Variants in IMMP2L observed in about 807,000 individuals in gnomAD.
The protein encoded by IMMP2L is inner mitochondrial membrane peptidase subunit 2.
A neutral mutation model predicts 19.3 loss-of-function variants in IMMP2L; 18 were observed. The ratio of observed to expected loss-of-function variants is 0.93; its 90% confidence interval spans 0.64 to 1.38. The LOEUF is 1.38. Ranked by LOEUF, IMMP2L falls within the 40% of genes most tolerant of loss-of-function variation. IMMP2L has a pLI of 0.00. For missense variants in IMMP2L, 233 were observed against 218.2 expected (o/e 1.07, Z -0.43); for synonymous variants, 76 against 73.0 (o/e 1.04, Z -0.21).
chr7:111,443,538 G>GAA (rs2131814819), intron 3 of IMMP2L, among the ~76,000 whole-genome samples: 1 of 152,234 alleles, frequency 6.6e-6, no homozygotes, highest in East Asian at 1.9e-4. Flanking sequence ...AGTCTCCTCT[G>GAA]AAGAGTTCTA....
chr7:110,815,027 G>C (rs1212057368), intron 5 of IMMP2L, among the ~76,000 whole-genome samples: 9 of 152,018 alleles, frequency 5.9e-5, no homozygotes, highest in Admixed American at 5.9e-4. Flanking sequence ...GATGCCGAGA[G>C]AGGGCTCTAG....
chr7:111,550,496 G>A (rs970038558), intron 1 of IMMP2L, among the ~76,000 whole-genome samples: 47 of 152,102 alleles, frequency 3.1e-4, no homozygotes, highest in African/African-American at 2.7e-4. Context: ...TGTAGCAAAC[G>A]TACCATTCTG....
intron 3 of IMMP2L, among the ~76,000 whole-genome samples, chr7:111,303,871 A>T (rs1019141791): frequency 6.6e-6 from 1 of 152,136 alleles, no homozygotes; most frequent in Admixed American, 6.6e-5. Flanking sequence ...TGGAAGGAAC[A>T]GAGTTGAGGG....
intron 5 of IMMP2L, among the ~76,000 whole-genome samples, chr7:110,705,078 G>A (rs1287139878): frequency 1.3e-5 from 2 of 150,434 alleles, no homozygotes; most frequent in African/African-American, 4.9e-5. Flanking sequence ...AAATTAAAAG[G>A]AGATTAAACT....
chr7:111,243,514 ATTT>A (rs11427623), intron 3 of IMMP2L, among the ~76,000 whole-genome samples: 7 of 141,646 alleles, frequency 4.9e-5, no homozygotes, highest in African/African-American at 1.6e-4. Flanking sequence ...TTGTTGCTTT[ATTT>A]TTTTTTTTTT....
intron 3 of IMMP2L, among the ~76,000 whole-genome samples, chr7:111,378,089 T>C (rs1830850628): frequency 6.6e-6 from 1 of 151,972 alleles, no homozygotes; most frequent in African/African-American, 2.4e-5. Flanking sequence ...CTTTAGATAA[T>C]ATAAAAAAAA....
intron 5 of IMMP2L, among the ~76,000 whole-genome samples, chr7:110,846,366 T>TG (rs59260099): frequency 0.33 from 37,336 of 114,304 alleles, 6,370 homozygotes; most frequent in East Asian, 0.59. Context: ...TTTTTTTTTT[T>TG]TTGTTGTTGT....
chr7:110,678,309 T>C (rs1792468338), intron 5 of IMMP2L, among the ~76,000 whole-genome samples: 1 of 152,132 alleles, frequency 6.6e-6, no homozygotes, highest in African/African-American at 2.4e-5. Flanking sequence ...CTGGGGGTAT[T>C]ATGTTACATA....
In IMMP2L at chr7:111,550,651, G is replaced by A. The variant is rs75438667; in HGVS notation, c.-3+11200C>T. Among the ~76,000 whole-genome samples the A allele has an allele frequency of 2.1e-3, 325 of 152,174 alleles. 3 individuals are homozygous for A. The highest frequency in any genetic ancestry group is 7.4e-3 in the African/African-American group (306 of 41,534). On this transcript the variant is annotated intron_variant, in intron 1 of 5. Coordinates refer to ENST00000405709, the MANE Select transcript of IMMP2L (RefSeq NM_032549.4). ...ATTTTAAATAAGGCAAAATATCTGC[G>A]GCAATCTTAATCTTCTCCTATCAAT...
chr7:111,077,191 A>G (rs1277187731), intron 3 of IMMP2L, among the ~76,000 whole-genome samples: 2 of 152,256 alleles, frequency 1.3e-5, no homozygotes, highest in Non-Finnish European at 2.9e-5. Flanking sequence ...ATTTCTTGTT[A>G]CAAATCTGAA....
intron 3 of IMMP2L, among the ~76,000 whole-genome samples, chr7:111,480,094 T>C (rs1842049855): frequency 6.6e-6 from 1 of 151,824 alleles, no homozygotes; most frequent in Admixed American, 6.6e-5. Context: ...ACTTTTTTTT[T>C]TTTTTTTGAG....
chr7:111,123,199 C>T lies in IMMP2L; in HGVS notation c.240-159634G>A. On this transcript the variant is annotated intron_variant, in intron 3 of 5. Coordinates refer to ENST00000405709, the MANE Select transcript of IMMP2L (RefSeq NM_032549.4). The surrounding 1 kb of genome is among the most constrained non-coding windows in gnomAD (Gnocchi z 6.4). ...ATGTCTGTCCGAACTGAGCAACTTACAAGAACTCTATATTAATCACAACTT... is the reference window on the plus strand; with the variant it reads ...ATGTCTGTCCGAACTGAGCAACTTATAAGAACTCTATATTAATCACAACTT... 6.2e-7 allele frequency: 1 copy of T among 1,613,964 alleles called. No homozygotes were observed. Among genetic ancestry groups the T allele is most frequent in the Non-Finnish European group, 8.5e-7 (1 of 1,179,964 alleles).
intron 3 of IMMP2L, among the ~76,000 whole-genome samples, chr7:111,083,750 G>A (rs565685382): frequency 2.0e-5 from 3 of 152,132 alleles, no homozygotes; most frequent in African/African-American, 7.2e-5. Flanking sequence ...TCAGTGTCTT[G>A]CATCGAGTTA....
At chr7:110,774,991 C>T (rs535294700) in intron 5 of IMMP2L, among the ~76,000 whole-genome samples, 1 of 152,066 alleles carries the variant, frequency 6.6e-6, no homozygotes, top group African/African-American at 2.4e-5. Context: ...GGATGGAATA[C>T]CATGCAGCCA....
intron 3 of IMMP2L, among the ~76,000 whole-genome samples, chr7:111,001,974 T>G (rs952388970): frequency 1.3e-5 from 2 of 151,684 alleles, no homozygotes; most frequent in Non-Finnish European, 2.9e-5. Flanking sequence ...TCTAGGCATG[T>G]GGTCAAGAAA....
intron 1 of IMMP2L, among the ~76,000 whole-genome samples, chr7:111,549,651 A>C (rs1849257743): frequency 6.6e-6 from 1 of 152,100 alleles, no homozygotes; most frequent in Admixed American, 6.5e-5. Context: ...AGAAATAGTA[A>C]GATTCTGGCC....
chr7:111,485,945 A>T (rs1368910641), intron 3 of IMMP2L, among the ~76,000 whole-genome samples: 1 of 152,118 alleles, frequency 6.6e-6, no homozygotes, highest in African/African-American at 2.4e-5. Context: ...TTGGGTGGGT[A>T]TCCTTTCCAT....
At chr7:110,738,666 A>C (rs763276343) in intron 5 of IMMP2L, among the ~76,000 whole-genome samples, 1 of 152,224 alleles carries the variant, frequency 6.6e-6, no homozygotes, top group South Asian at 2.1e-4. Flanking sequence ...AGTCGAAGAA[A>C]ACTTCCCCAG....
chr7:110,982,250 C>T (rs1241500891), intron 3 of IMMP2L, among the ~76,000 whole-genome samples: 1 of 152,122 alleles, frequency 6.6e-6, no homozygotes, highest in African/African-American at 2.4e-5. Flanking sequence ...GACCCTGCTG[C>T]GTCATTCAGC....
Sources: gnomAD v4.1 joint callset for allele counts (sites outside exome capture counted in the v4.1 genomes callset) on GRCh38, gnomAD v4.1.1 for gene constraint, Gnocchi (gnomAD v3.1) non-coding constraint, MANE v1.5 for transcripts, NCBI Gene and HGNC (gene_info 2026-07-23, HGNC 2026-07-21) for gene names.